DMD: variants seen among roughly 807,000 people sequenced by gnomAD.
The protein encoded by DMD is mutant dystrophin.
Under a neutral mutation model 330.1 loss-of-function variants are expected in DMD, and 63 were observed. That is an observed-to-expected ratio of 0.19 (90% CI 0.16 to 0.24). DMD has a LOEUF of 0.24. Ranked by LOEUF, DMD falls within the 10% of genes least tolerant of loss-of-function variation. The pLI is 1.00. For missense variants in DMD, 3,344 were observed against 2,684.1 expected (o/e 1.25, Z -5.43); for synonymous variants, 1,223 against 959.8 (o/e 1.27, Z -5.07).
intron 13 of DMD, among the ~76,000 whole-genome samples, chrX:32,577,329 T>C (rs747603750): frequency 4.5e-5 from 5 of 112,113 alleles, no homozygotes; most frequent in Non-Finnish European, 9.4e-5. Flanking sequence ...GAGAAAGTGT[T>C]TGTATTGTTT....
intron 60 of DMD, among the ~76,000 whole-genome samples, chrX:31,374,689 G>A (rs2059791600): frequency 1.6e-5 from 1 of 64,148 alleles, no homozygotes; most frequent in African/African-American, 5.7e-5. Context: ...GGGGGAGGGG[G>A]GAGGGATAGC....
chrX:32,482,173 T>A, intron 21 of DMD, among the ~76,000 whole-genome samples: 1 of 111,994 alleles, frequency 8.9e-6, no homozygotes, highest in Non-Finnish European at 1.9e-5. Context: ...GGTTTCATTT[T>A]TTTCTTTGTT....
At chrX:31,220,245 A>C (rs1324827382) in intron 64 of DMD, among the ~76,000 whole-genome samples, 1 of 111,263 alleles carries the variant, frequency 9.0e-6, no homozygotes, top group Non-Finnish European at 1.9e-5. Flanking sequence ...AGCCCCCTCC[A>C]ACTAGCTACC....
chrX:31,279,323 G>A (rs755949116), intron 62 of DMD, among the ~76,000 whole-genome samples: 2 of 112,289 alleles, frequency 1.8e-5, no homozygotes, highest in Non-Finnish European at 3.8e-5. Context: ...AGAGAATTTA[G>A]TCCACAGAGG....
chrX:31,203,616 T>C (rs2043753740), intron 67 of DMD, among the ~76,000 whole-genome samples: 1 of 112,400 alleles, frequency 8.9e-6, no homozygotes, highest in South Asian at 3.7e-4. Flanking sequence ...GAGAAAGGAC[T>C]CAGAGACTAA....
intron 1 of DMD, among the ~76,000 whole-genome samples, chrX:33,179,927 C>T (rs2049897745): frequency 9.3e-6 from 1 of 107,912 alleles, no homozygotes; most frequent in South Asian, 4.2e-4. Context: ...ACCTCCGTCT[C>T]CAGGGTTCAA....
Position 31,493,613 on chromosome X carries a change from C to G in DMD, c.8547+3175G>C, listed in dbSNP as rs2069528692. Among the ~76,000 whole-genome samples the G allele has an allele frequency of 2.7e-5, 3 of 111,925 alleles. No individual in the cohort carries two copies. The Admixed American group carries it at 2.8e-4, about 11-fold the overall frequency. On this transcript the variant is annotated intron_variant, in intron 57 of 78. Transcript: ENST00000357033. ...GGAAGAGCATCTAGGAAAGAGGAGG[C>G]TGAGGCCAGACAAGCCAGATAGTGC...
intron 12 of DMD, among the ~76,000 whole-genome samples, chrX:32,608,996 T>C (rs1261043771): frequency 9.0e-6 from 1 of 111,005 alleles, no homozygotes; most frequent in Non-Finnish European, 1.9e-5. Context: ...CTTAACTGAA[T>C]CACTTATCCT....
At chrX:32,663,325 A>G (rs1156662682) in intron 9 of DMD, among the ~76,000 whole-genome samples, 1 of 111,832 alleles carries the variant, frequency 8.9e-6, no homozygotes, top group African/African-American at 3.2e-5. Flanking sequence ...TTGCTTTTTA[A>G]TAAGAATGTA....
intron 44 of DMD, among the ~76,000 whole-genome samples, chrX:32,105,507 C>A (rs756026730): frequency 1.5e-4 from 17 of 111,880 alleles, no homozygotes; most frequent in Admixed American, 1.9e-4. Flanking sequence ...TTCACATACA[C>A]AAATGTTTGC....
chrX:32,884,498 T>C (rs982878299), intron 2 of DMD, among the ~76,000 whole-genome samples: 1 of 111,945 alleles, frequency 8.9e-6, no homozygotes, highest in Admixed American at 9.5e-5. Context: ...GCAATATTTG[T>C]CAATATTTTG....
At chrX:32,315,351 G>T (rs1242232337) in intron 41 of DMD, among the ~76,000 whole-genome samples, 1 of 108,652 alleles carries the variant, frequency 9.2e-6, no homozygotes, top group African/African-American at 3.4e-5. Flanking sequence ...ACATATGGCC[G>T]CAGGGGCCTG....
At chrX:32,934,893 T>A (rs777996648) in intron 2 of DMD, among the ~76,000 whole-genome samples, 6 of 112,934 alleles carry the variant, frequency 5.3e-5, no homozygotes, top group African/African-American at 1.9e-4. Flanking sequence ...TTATCACACA[T>A]GCATGTATGC....
At chrX:32,360,342 G>A in intron 37 of DMD, among the ~76,000 whole-genome samples, 1 of 111,925 alleles carries the variant, frequency 8.9e-6, no homozygotes, top group Non-Finnish European at 1.9e-5. Flanking sequence ...CTTTATTTCT[G>A]TGTTTTTCAT....
intron 9 of DMD, among the ~76,000 whole-genome samples, chrX:32,697,436 GATAAA>G (rs1192802608): frequency 8.0e-5 from 9 of 111,901 alleles, no homozygotes; most frequent in African/African-American, 2.6e-4. Context: ...AGAATGAATA[GATAAA>G]ATAATTCACT....
At chrX:31,669,396 A>G (rs2081615601) in intron 53 of DMD, among the ~76,000 whole-genome samples, 1 of 112,029 alleles carries the variant, frequency 8.9e-6, no homozygotes, top group Non-Finnish European at 1.9e-5. Flanking sequence ...CCCGTTAGCT[A>G]TTTGTACATC....
chrX:32,084,846 G>T (rs943239016), intron 44 of DMD, among the ~76,000 whole-genome samples: 6 of 111,057 alleles, frequency 5.4e-5, no homozygotes, highest in African/African-American at 2.0e-4. Context: ...ATTAATAACA[G>T]GGCCTTTGAG....
At chrX:31,775,247 T>C (rs1456596515) in intron 50 of DMD, among the ~76,000 whole-genome samples, 1 of 111,426 alleles carries the variant, frequency 9.0e-6, no homozygotes, top group African/African-American at 3.3e-5. Context: ...ACAATAATAT[T>C]ATTACAGCGC....
intron 60 of DMD, among the ~76,000 whole-genome samples, chrX:31,436,640 T>C (rs993174034): frequency 8.9e-6 from 1 of 112,113 alleles, no homozygotes; most frequent in African/African-American, 3.2e-5. Flanking sequence ...GAAAACCAAA[T>C]GTTCTTAAGC....
Sources: gnomAD v4.1 joint callset for allele counts (sites outside exome capture counted in the v4.1 genomes callset) on GRCh38, gnomAD v4.1.1 for gene constraint, MANE v1.5 for transcripts, NCBI Gene and HGNC (gene_info 2026-07-23, HGNC 2026-07-21) for gene names.